Variants in ACBD6 observed in about 807,000 individuals in gnomAD.
ACBD6 encodes the protein acyl-CoA binding domain containing 6, also known as acyl-CoA-binding domain-containing protein 6.
ACBD6 carries 28 observed loss-of-function variants against 37.2 expected under a neutral mutation model. The observed-to-expected ratio is 0.75, with a 90% CI of 0.56 to 1.03. The LOEUF (loss-of-function observed/expected upper bound fraction) is 1.03. Ranked by LOEUF, ACBD6 falls within the 50% of genes least tolerant of loss-of-function variation. The pLI is 0.00. For missense variants in ACBD6, 340 were observed against 337.4 expected (o/e 1.01, Z -0.06); for synonymous variants, 113 against 126.8 (o/e 0.89, Z 0.73).
intron 3 of ACBD6, among the ~76,000 whole-genome samples, chr1:180,453,863 T>A (rs1649808789): frequency 6.6e-6 from 1 of 152,116 alleles, no homozygotes; most frequent in African/African-American, 2.4e-5. Context: ...CAAAGAGAAC[T>A]ACAAACCACT....
At chr1:180,381,071 C>T (rs770606092) in intron 6 of ACBD6, among the ~76,000 whole-genome samples, 32 of 152,036 alleles carry the variant, frequency 2.1e-4, no homozygotes, top group Non-Finnish European at 4.0e-4. Flanking sequence ...AGTAGCTATA[C>T]TTTTATCAGA....
intron 6 of ACBD6, among the ~76,000 whole-genome samples, chr1:180,317,350 G>A (rs1225058606): frequency 6.6e-6 from 1 of 152,176 alleles, no homozygotes; most frequent in African/African-American, 2.4e-5. Context: ...CAGGGAGGAG[G>A]GAAGCATGGG....
chr1:180,456,211 CAAA>C (rs753205587), intron 3 of ACBD6, among the ~76,000 whole-genome samples: 1 of 106,760 alleles, frequency 9.4e-6, no homozygotes, highest in Non-Finnish European at 2.1e-5. Flanking sequence ...GACACCATTT[CAAA>C]AAAAAAAAAA....
intron 6 of ACBD6, among the ~76,000 whole-genome samples, chr1:180,336,814 T>C (rs1460641824): frequency 2.6e-5 from 4 of 152,086 alleles, no homozygotes; most frequent in East Asian, 3.9e-4. Flanking sequence ...TAAAAAATGA[T>C]AAAGGGGACA....
Position 180,314,643 on chromosome 1 carries a change from T to C in ACBD6, c.694+49A>G, listed in dbSNP as rs147380212. On this transcript the variant is annotated intron_variant, in intron 7 of 7. Transcript: ENST00000367595. Reference sequence around the variant, plus strand: ...AATGGACAAAGTTGAAATAAACAAATAGAGAATATGTTCAAATATGATTAC... The same window carrying C: ...AATGGACAAAGTTGAAATAAACAAACAGAGAATATGTTCAAATATGATTAC... 523 of 1,415,004 alleles carry C rather than the reference T, an allele frequency of 3.7e-4. No individual in the cohort carries two copies. In the African/African-American group the frequency reaches 6.8e-3, roughly 18 times the overall value. 87.7% of individuals were successfully genotyped at this position (1,415,004 alleles called of 1,614,324 possible).
chr1:180,446,120 A>G (rs1053679980), intron 3 of ACBD6, among the ~76,000 whole-genome samples: 1 of 151,560 alleles, frequency 6.6e-6, no homozygotes, highest in Non-Finnish European at 1.5e-5. Context: ...CTCCCACCTC[A>G]GCCTCCCAAG....
chr1:180,393,934 A>G (rs1326140655), intron 6 of ACBD6, among the ~76,000 whole-genome samples: 2 of 152,218 alleles, frequency 1.3e-5, no homozygotes, highest in Non-Finnish European at 1.5e-5. Context: ...TTAGTAAAGA[A>G]TGTTCTATAA....
intron 3 of ACBD6, among the ~76,000 whole-genome samples, chr1:180,480,089 A>G (rs747347703): frequency 4.6e-5 from 7 of 152,236 alleles, no homozygotes; most frequent in Admixed American, 6.5e-5. Context: ...GTGGGACTCA[A>G]ATGTGGATAT....
At position 180,274,319 on chromosome 1, in the gene ACBD6, G is replaced by A; in HGVS notation, c.*937-207C>T. The A allele has an allele frequency of 6.2e-7, 1 of 1,614,230 alleles. No individual in the cohort carries two copies. Among genetic ancestry groups the A allele is most frequent in the Admixed American group, 1.7e-5 (1 of 60,020 alleles). ...ACAATCCTATCAGGACTTGAGGGATGGGAGCCCCTATGGAATCCCCCAGTC... is the reference window on the plus strand; with the variant it reads ...ACAATCCTATCAGGACTTGAGGGATAGGAGCCCCTATGGAATCCCCCAGTC... On this transcript the variant is annotated intron_variant, in intron 10 of 13. Transcript: ENST00000642319.
intron 7 of ACBD6, among the ~76,000 whole-genome samples, chr1:180,292,775 T>G (rs1364547495): frequency 6.6e-6 from 1 of 152,212 alleles, no homozygotes; most frequent in African/African-American, 2.4e-5. Flanking sequence ...TGGATCAAAG[T>G]GGAGAGAGTG....
chr1:180,502,497 T>C lies in ACBD6; in HGVS notation c.-231A>G. 1.7e-6 allele frequency: 1 copy of C among 573,238 alleles called. No homozygotes were observed. The highest frequency in any genetic ancestry group is 3.1e-6 in the Non-Finnish European group (1 of 319,168). The allele number at this position is 573,238 out of a possible 1,614,324, so 35.5% of individuals were successfully genotyped here. On this transcript the variant is annotated 5_prime_UTR_variant, in exon 1 of 8. Coordinates refer to ENST00000367595, the MANE Select transcript of ACBD6 (RefSeq NM_032360.4). ...CTGCCGCTCTGCCCAGTCGACCCGG[T>C]CTCCTCCGGCTTCCCTCCGGCCAAC... is the stretch of plus-strand genomic sequence containing the variant.
rs964612619 is a variant in ACBD6, at chr1:180,282,662, G to A, written c.*94-1276C>T. 3.3e-5 allele frequency among the ~76,000 whole-genome samples: 5 copies of A among 152,142 alleles called. No individual in the cohort carries two copies. The South Asian group carries it at 8.3e-4, about 25-fold the overall frequency. On this transcript the variant is annotated intron_variant, in intron 8 of 13. Coordinates refer to the ACBD6 transcript ENST00000642319. ...TTAGGGAATTGAAAGTCACTTTTTC[G>A]ACACCTGTCAACTGCAGGGCTTAAA...
chr1:180,378,877 G>A (rs910703094), intron 6 of ACBD6, among the ~76,000 whole-genome samples: 1 of 152,106 alleles, frequency 6.6e-6, no homozygotes, highest in African/African-American at 2.4e-5. Context: ...GGGTCCCAGA[G>A]GGTTGTCCCA....
At chr1:180,380,155 G>C (rs796551376) in intron 6 of ACBD6, among the ~76,000 whole-genome samples, 10 of 152,278 alleles carry the variant, frequency 6.6e-5, no homozygotes, top group African/African-American at 2.2e-4. Context: ...CAGCTACTTG[G>C]GAGGCTGAGG....
chr1:180,462,645 C>T (rs1325799376), intron 3 of ACBD6, among the ~76,000 whole-genome samples: 2 of 152,106 alleles, frequency 1.3e-5, no homozygotes, highest in African/African-American at 4.8e-5. Flanking sequence ...GACTTTAACA[C>T]CCCACTGACA....
intron 7 of ACBD6, among the ~76,000 whole-genome samples, chr1:180,309,264 A>T (rs1388020566): frequency 1.3e-5 from 2 of 152,270 alleles, no homozygotes; most frequent in African/African-American, 4.8e-5. Context: ...TACATAAAGA[A>T]AACAGAGCTT....
intron 6 of ACBD6, among the ~76,000 whole-genome samples, chr1:180,397,133 T>C (rs4590641): frequency 0.043 from 6,564 of 152,120 alleles, 451 homozygotes; most frequent in African/African-American, 0.14. Flanking sequence ...TATTGTTACA[T>C]GTTACAATAT....
intron 6 of ACBD6, among the ~76,000 whole-genome samples, chr1:180,373,971 G>T (rs1459058721): frequency 6.6e-6 from 1 of 152,010 alleles, no homozygotes; most frequent in South Asian, 2.1e-4. Flanking sequence ...TAATTAGAAT[G>T]CCCAGGTAGT....
At chr1:180,350,902 G>C (rs1437860633) in intron 6 of ACBD6, among the ~76,000 whole-genome samples, 4 of 152,138 alleles carry the variant, frequency 2.6e-5, no homozygotes, top group Admixed American at 2.6e-4. Context: ...GATAGTAAGC[G>C]ATGTCAGGGC....
Sources: gnomAD v4.1 joint callset for allele counts (sites outside exome capture counted in the v4.1 genomes callset) on GRCh38, gnomAD v4.1.1 for gene constraint, MANE v1.5 for transcripts, NCBI Gene and HGNC (gene_info 2026-07-23, HGNC 2026-07-21) for gene names.